The following E2F3 variants were observed in gnomAD, a reference collection of about 807,000 sequenced individuals.
E2F3 encodes the protein transcription factor E2F3.
Under a neutral mutation model 44.4 loss-of-function variants are expected in E2F3, and 11 were observed. That is an observed-to-expected ratio of 0.25 (90% CI 0.16 to 0.41). E2F3 has a LOEUF of 0.41. Among genes scored for constraint, E2F3 ranks in the 10% least tolerant of loss-of-function variants. The pLI, the probability that E2F3 is intolerant of heterozygous loss-of-function variation, is 1.00. For synonymous variants in E2F3, 249 were observed against 253.0 expected (o/e 0.98, Z 0.15); for missense variants, 487 against 583.6 (o/e 0.83, Z 1.70).
At chr6:20,410,655 G>A (rs561596364) in intron 1 of E2F3, among the ~76,000 whole-genome samples, 31 of 152,174 alleles carry the variant, frequency 2.0e-4, no homozygotes, top group Admixed American at 7.9e-4. Context: ...GTCTTGTTCC[G>A]TTGCCCAGGC....
intron 1 of E2F3, among the ~76,000 whole-genome samples, chr6:20,416,646 G>T (rs1018609296): frequency 6.6e-6 from 1 of 152,168 alleles, no homozygotes; most frequent in African/African-American, 2.4e-5. Context: ...AGCAGCACTG[G>T]TGTATGGCTT....
intron 1 of E2F3, among the ~76,000 whole-genome samples, chr6:20,470,102 A>G (rs1266287516): frequency 6.6e-6 from 1 of 152,214 alleles, no homozygotes; most frequent in Non-Finnish European, 1.5e-5. Flanking sequence ...TTATTTGGAC[A>G]GCCCATTCAA....
intron 5 of E2F3, among the ~76,000 whole-genome samples, chr6:20,487,140 C>T (rs1431774085): frequency 1.3e-5 from 2 of 152,132 alleles, no homozygotes; most frequent in African/African-American, 4.8e-5. Flanking sequence ...TGTATATGGT[C>T]CCCACCACGA....
intron 1 of E2F3, among the ~76,000 whole-genome samples, chr6:20,406,539 T>C (rs1430889496): frequency 6.6e-6 from 1 of 152,226 alleles, no homozygotes; most frequent in African/African-American, 2.4e-5. Flanking sequence ...TAATTATTTA[T>C]GCCCAATTAA....
intron 1 of E2F3, among the ~76,000 whole-genome samples, chr6:20,476,027 A>G (rs1169325495): frequency 6.6e-6 from 1 of 152,184 alleles, no homozygotes; most frequent in East Asian, 1.9e-4. Context: ...TGACTCAGCC[A>G]GTTCCATAAG....
chr6:20,463,121 T>C (rs900677602), intron 1 of E2F3, among the ~76,000 whole-genome samples: 1 of 152,088 alleles, frequency 6.6e-6, no homozygotes, highest in Non-Finnish European at 1.5e-5. Context: ...CGGGTCTTGC[T>C]GTTGCCCACG....
At chr6:20,459,834 T>TG (rs961736091) in intron 1 of E2F3, among the ~76,000 whole-genome samples, 1 of 151,946 alleles carries the variant, frequency 6.6e-6, no homozygotes, top group Admixed American at 6.6e-5. Flanking sequence ...CCCAGCTACT[T>TG]GGGGGGTCGA....
At chr6:20,469,014 G>A (rs75354409) in intron 1 of E2F3, among the ~76,000 whole-genome samples, 2,231 of 152,250 alleles carry the variant, frequency 0.015, 27 homozygotes, top group Non-Finnish European at 0.025. Context: ...GCTTCAGGCA[G>A]GAGGAAAAGT....
chr6:20,463,473 T>C (rs1051956273), intron 1 of E2F3, among the ~76,000 whole-genome samples: 1 of 152,216 alleles, frequency 6.6e-6, no homozygotes, highest in African/African-American at 2.4e-5. Flanking sequence ...TAGATCTGTT[T>C]TCCATTTGAC....
chr6:20,471,630 T>C (rs920963717), intron 1 of E2F3, among the ~76,000 whole-genome samples: 3 of 152,102 alleles, frequency 2.0e-5, no homozygotes, highest in African/African-American at 7.2e-5. Flanking sequence ...AATCAAATAT[T>C]CAAGAAACAG....
chr6:20,445,619 T>C (rs1334843786), intron 1 of E2F3, among the ~76,000 whole-genome samples: 1 of 152,214 alleles, frequency 6.6e-6, no homozygotes, highest in African/African-American at 2.4e-5. Flanking sequence ...AACTGAGGAA[T>C]TCGTTTTGTC....
chr6:20,452,571 G>A (rs1281835351), intron 1 of E2F3: 3 of 152,022 alleles, frequency 2.0e-5, no homozygotes, highest in Non-Finnish European at 4.4e-5. Flanking sequence ...AATCTCATTT[G>A]TAAAATATAC....
intron 1 of E2F3, among the ~76,000 whole-genome samples, chr6:20,447,892 A>G (rs1761002274): frequency 6.6e-6 from 1 of 152,176 alleles, no homozygotes. Context: ...ACCTCATATT[A>G]AAGGTGAGCA....
In E2F3 at chr6:20,420,088, A is replaced by G. The variant is rs538394685; in HGVS notation, c.393+17463A>G. On this transcript the variant is annotated intron_variant, in intron 1 of 6. Coordinates refer to ENST00000346618, the MANE Select transcript of E2F3 (RefSeq NM_001949.5). ...ACCATGTTGCCCAGCCTGCCTCCTT[A>G]TTTTACTTGTATGTTTTTTAAATTA... is the stretch of plus-strand genomic sequence containing the variant. Among the ~76,000 whole-genome samples, 4 of 152,010 alleles carry G rather than the reference A, an allele frequency of 2.6e-5. No homozygotes were observed. The East Asian group carries it at 7.7e-4, about 29-fold the overall frequency.
At chr6:20,447,198 A>T (rs115969822) in intron 1 of E2F3, among the ~76,000 whole-genome samples, 1 of 152,340 alleles carries the variant, frequency 6.6e-6, no homozygotes, top group Non-Finnish European at 1.5e-5. Flanking sequence ...GAGTATGACC[A>T]GCCAGTGCTG....
chr6:20,490,910 T>C lies in E2F3; in HGVS notation c.*480T>C, dbSNP rs1762537315. 3 of 229,166 alleles carry C rather than the reference T, an allele frequency of 1.3e-5. No homozygotes were observed. In the Admixed American group the frequency reaches 1.7e-4, roughly 13 times the overall value. The allele number at this position is 229,166 out of a possible 1,614,324, so 14.2% of individuals were successfully genotyped here. A position where few individuals can be genotyped will look rare whatever the true frequency, so the allele number is the denominator to read the frequency against. On this transcript the variant is annotated 3_prime_UTR_variant, in exon 7 of 7. Coordinates refer to ENST00000346618, the MANE Select transcript of E2F3 (RefSeq NM_001949.5). This position sits in a 1 kb window ranked among gnomAD's most constrained non-coding sequence, Gnocchi z 4.3. ...TAATATGGAATGGAACTGCAGCAAA[T>C]GCAAACTTGAAGTCATGCAAAAGTA...
At chr6:20,477,244 A>C (rs1762079316) in intron 1 of E2F3, among the ~76,000 whole-genome samples, 1 of 152,090 alleles carries the variant, frequency 6.6e-6, no homozygotes, top group Non-Finnish European at 1.5e-5. Context: ...TACAGGTGTG[A>C]TCCATGCACC....
rs149703316 is a variant in E2F3, at chr6:20,469,221, A to G, written c.394-10625A>G. The stretch of plus-strand genomic sequence containing the variant: ...TACTGTTTATACAGTCATGATGTAT[A>G]GCACTGGTTTTTTATTTAACCAAAA... On this transcript the variant is annotated intron_variant, in intron 1 of 6. Transcript: ENST00000346618. Among the ~76,000 whole-genome samples, 9 of 152,370 alleles carry G rather than the reference A, an allele frequency of 5.9e-5. No homozygotes were observed. In the East Asian group the frequency reaches 1.7e-3, roughly 29 times the overall value.
chr6:20,469,892 C>T (rs1328078693), intron 1 of E2F3, among the ~76,000 whole-genome samples: 1 of 152,164 alleles, frequency 6.6e-6, no homozygotes, highest in Non-Finnish European at 1.5e-5. Flanking sequence ...ACTTACCTCT[C>T]ACTGTAAAAA....
Sources: gnomAD v4.1 joint callset for allele counts (sites outside exome capture counted in the v4.1 genomes callset) on GRCh38, gnomAD v4.1.1 for gene constraint, Gnocchi (gnomAD v3.1) non-coding constraint, MANE v1.5 for transcripts, NCBI Gene and HGNC (gene_info 2026-07-23, HGNC 2026-07-21) for gene names.